The following AHRR variants were observed in gnomAD, a reference collection of about 807,000 sequenced individuals.
The protein encoded by AHRR is ahR repressor.
A neutral mutation model predicts 44.0 loss-of-function variants in AHRR; 28 were observed. The observed-to-expected ratio is 0.64, with a 90% confidence interval of 0.47 to 0.87. The LOEUF is 0.87. AHRR is among the 40% of genes least tolerant of loss of function. AHRR has a pLI of 0.00. For missense variants in AHRR, 990 were observed against 953.9 expected (o/e 1.04, Z -0.50); for synonymous variants, 434 against 407.0 (o/e 1.07, Z -0.80).
rs1736942582 is a variant in AHRR, at chr5:434,959, G to A, written c.*125G>A. On this transcript the variant is annotated 3_prime_UTR_variant, in exon 11 of 11. Coordinates refer to ENST00000684583, the MANE Select transcript of AHRR (RefSeq NM_001377236.1). ...ACACACGCTTTGCAGAGCTGTGCAT[G>A]CGCAGTCTGCTAGTGTGTGTGTGCA... 2 of 1,311,334 alleles carry A rather than the reference G, an allele frequency of 1.5e-6. No homozygotes were observed. Among genetic ancestry groups the A allele is most frequent in the South Asian group, 1.5e-5 (1 of 65,942 alleles). 81.2% of individuals were successfully genotyped at this position (1,311,334 alleles called of 1,614,324 possible). A position where few individuals can be genotyped will look rare whatever the true frequency, so the allele number is the denominator to read the frequency against.
chr5:371,085 G>A (rs1743565415), intron 3 of AHRR, among the ~76,000 whole-genome samples: 1 of 152,176 alleles, frequency 6.6e-6, no homozygotes, highest in Non-Finnish European at 1.5e-5. Flanking sequence ...GGGCGCTGGG[G>A]TAAATTCCCG....
At chr5:322,165 G>A (rs1224770697) in intron 1 of AHRR, among the ~76,000 whole-genome samples, 1 of 152,074 alleles carries the variant, frequency 6.6e-6, no homozygotes, top group Non-Finnish European at 1.5e-5. Context: ...GCGGGGCCCC[G>A]CTGTCGGGCC....
At chr5:414,972 G>T (rs1304475056) in intron 5 of AHRR, among the ~76,000 whole-genome samples, 1 of 152,274 alleles carries the variant, frequency 6.6e-6, no homozygotes, top group African/African-American at 2.4e-5. Flanking sequence ...CAGGGCCCAG[G>T]CGGGGGCCGT....
At chr5:341,890 A>G (rs141578107) in intron 1 of AHRR, among the ~76,000 whole-genome samples, 2 of 152,202 alleles carry the variant, frequency 1.3e-5, no homozygotes, top group East Asian at 1.9e-4. Context: ...ACAAAGTCTG[A>G]TATGTTTGCA....
At chr5:327,862 C>T (rs1741765987) in intron 1 of AHRR, among the ~76,000 whole-genome samples, 1 of 152,070 alleles carries the variant, frequency 6.6e-6, no homozygotes, top group South Asian at 2.1e-4. Flanking sequence ...TATACATGTG[C>T]CATGTTGGTG....
chr5:336,774 G>A (rs940489428), intron 1 of AHRR, among the ~76,000 whole-genome samples: 11 of 152,176 alleles, frequency 7.2e-5, no homozygotes, highest in East Asian at 1.9e-4. Flanking sequence ...TGTATTCTTC[G>A]GAGTGTTATA....
At position 413,374 on chromosome 5, in the gene AHRR, G is replaced by A. The variant is rs769856852; in HGVS notation, c.382G>A (p.Ala128Thr). The change falls in exon 5 of 11, where the codon GCA becomes ACA. Residue 128 changes from alanine to threonine, a missense_variant. Physicochemically the swap from Ala to Thr is moderately conservative, Grantham distance 58 (BLOSUM62 0). Coordinates refer to ENST00000684583, the MANE Select transcript of AHRR (RefSeq NM_001377236.1). ...TAATGGCTTTGCTCTGGTCGTGAGT[G>A]CAGAAGGGACGATATTTTATGCATC... ...SLNGFALVVSAEGTIFYASAT... is the reference protein window; with the variant it reads ...SLNGFALVVSTEGTIFYASAT... The A allele has an allele frequency of 5.0e-6, 8 of 1,613,474 alleles. No homozygotes were observed. The African/African-American group carries it at 6.7e-5, about 13-fold the overall frequency.
chr5:434,210 C>T lies in AHRR; in HGVS notation c.1470C>T (p.His490=). The T allele has an allele frequency of 6.3e-7, 1 of 1,589,616 alleles. No individual in the cohort carries two copies. The change falls in exon 11 of 11, where the codon CAC becomes CAT. Residue 490 remains histidine, a synonymous_variant. Transcript: ENST00000684583. ...LCHFPQRSLQ[H]QLPQPGAQRF... ...ACTTTCCCCAGAGGAGCCTGCAGCACCAGCTCCCTCAGCCTGGAGCTCAGC... is the reference window on the plus strand; with the variant it reads ...ACTTTCCCCAGAGGAGCCTGCAGCATCAGCTCCCTCAGCCTGGAGCTCAGC...
intron 4 of AHRR, among the ~76,000 whole-genome samples, chr5:402,464 C>T (rs972152056): frequency 1.3e-4 from 16 of 120,866 alleles, no homozygotes; most frequent in Admixed American, 4.4e-4. Flanking sequence ...GGAAGGCAGT[C>T]GTTGTTGAGG....
chr5:430,009 A>T (rs764171617), intron 8 of AHRR, among the ~76,000 whole-genome samples: 5 of 152,048 alleles, frequency 3.3e-5, no homozygotes, highest in Non-Finnish European at 5.9e-5. Flanking sequence ...AGCCCCGGGG[A>T]TGTTCACAGC....
intron 4 of AHRR, among the ~76,000 whole-genome samples, chr5:399,761 TGCCTGGGG>T (rs1734931817): frequency 6.6e-6 from 1 of 152,206 alleles, no homozygotes; most frequent in Admixed American, 6.5e-5. Flanking sequence ...CAGGAGGGAC[TGCCTGGGG>T]GCCGCCATCT....
intron 7 of AHRR, among the ~76,000 whole-genome samples, chr5:424,420 T>A: frequency 8.0e-6 from 1 of 125,426 alleles, no homozygotes; most frequent in Non-Finnish European, 1.9e-5. Context: ...CTGAGCTCTG[T>A]GCACCCTGTG....
rs931385535 is a variant in AHRR, at chr5:411,319, C to A, written c.352-2025C>A. 6.6e-6 allele frequency among the ~76,000 whole-genome samples: 1 copy of A among 151,892 alleles called. No homozygotes were observed. Among genetic ancestry groups the A allele is most frequent in the Non-Finnish European group, 1.5e-5 (1 of 68,016 alleles). On this transcript the variant is annotated intron_variant, in intron 4 of 10. Transcript: ENST00000684583. The surrounding 1 kb of genome is among the most constrained non-coding windows in gnomAD (Gnocchi z 4.2). ...TGTGTGTAATTGGAGGTTTATTACACTTCCTGTGTCCTCATTATGATGCAA... is the reference window on the plus strand; with the variant it reads ...TGTGTGTAATTGGAGGTTTATTACAATTCCTGTGTCCTCATTATGATGCAA...
Position 419,132 on chromosome 5 carries a change from G to T in AHRR, c.442-3597G>T, listed in dbSNP as rs73038964. On this transcript the variant is annotated intron_variant, in intron 5 of 10. Transcript: ENST00000684583. The surrounding 1 kb of genome is among the most constrained non-coding windows in gnomAD (Gnocchi z 4.4). ...TAAGTCTTTGCCTGTGGTCGTTGGG[G>T]CTGAGGGCAAGAATCTATTTTTTAA... The T allele has an allele frequency of 5.2e-3, 789 of 151,970 alleles. 5 individuals carry two copies. Among genetic ancestry groups the T allele is most frequent in the African/African-American group, 0.018 (754 of 41,330 alleles). 9.4% of individuals were successfully genotyped at this position (151,970 alleles called of 1,614,324 possible).
intron 5 of AHRR, among the ~76,000 whole-genome samples, chr5:414,646 C>T (rs890163771): frequency 1.4e-4 from 22 of 152,158 alleles, no homozygotes; most frequent in African/African-American, 4.6e-4. Flanking sequence ...GGAGCAAAGC[C>T]GTCCAAAGGA....
intron 4 of AHRR, chr5:403,828 T>C: frequency 3.9e-6 from 6 of 1,544,906 alleles, no homozygotes; most frequent in Non-Finnish European, 5.4e-6. Flanking sequence ...TGCCTTCTCT[T>C]CCTTTTTGCT....
At chr5:377,090 C>T (rs1733748533) in intron 4 of AHRR, among the ~76,000 whole-genome samples, 1 of 152,170 alleles carries the variant, frequency 6.6e-6, no homozygotes, top group Non-Finnish European at 1.5e-5. Flanking sequence ...AAAGTCTACA[C>T]TGGGCTTCCC....
chr5:334,231 G>A (rs554259836), intron 1 of AHRR, among the ~76,000 whole-genome samples: 2 of 152,240 alleles, frequency 1.3e-5, no homozygotes, highest in East Asian at 3.9e-4. Context: ...GGATTGCTGA[G>A]CCTCCTGTGT....
At chr5:348,949 C>A (rs1481110699) in intron 2 of AHRR, among the ~76,000 whole-genome samples, 1 of 152,116 alleles carries the variant, frequency 6.6e-6, no homozygotes, top group African/African-American at 2.4e-5. Flanking sequence ...TGTGAGAATC[C>A]CAGTTTCTCT....
Sources: gnomAD v4.1 joint callset for allele counts (sites outside exome capture counted in the v4.1 genomes callset) on GRCh38, gnomAD v4.1.1 for gene constraint, Gnocchi (gnomAD v3.1) non-coding constraint, MANE v1.5 for transcripts, NCBI Gene and HGNC (gene_info 2026-07-23, HGNC 2026-07-21) for gene names.